Variants in BRD7 observed in about 807,000 individuals in gnomAD.
The protein encoded by BRD7 is bromodomain-containing protein 7.
Under a neutral mutation model 82.1 loss-of-function variants are expected in BRD7, and 15 were observed. That is an observed-to-expected ratio of 0.18 (90% CI 0.12 to 0.28). BRD7 has a LOEUF of 0.28. Among genes scored for constraint, BRD7 ranks in the 10% least tolerant of loss-of-function variants. BRD7 has a pLI of 1.00. For synonymous variants in BRD7, 232 were observed against 266.9 expected (o/e 0.87, Z 1.27); for missense variants, 638 against 779.9 (o/e 0.82, Z 2.17).
At chr16:50,357,548 GAC>G (rs2038782774) in intron 2 of BRD7, among the ~76,000 whole-genome samples, 1 of 152,306 alleles carries the variant, frequency 6.6e-6, no homozygotes, top group South Asian at 2.1e-4. Flanking sequence ...CAGCCACAGA[GAC>G]ACAGATTCCT....
At chr16:50,361,781 A>G (rs143515497) in intron 2 of BRD7, 98 of 152,298 alleles carry the variant, frequency 6.4e-4, no homozygotes, top group African/African-American at 2.2e-3. Context: ...TGTGTTTAAA[A>G]AGAGACTTAC....
At chr16:50,325,496 C>CTGAG (rs1458076518) in intron 11 of BRD7, among the ~76,000 whole-genome samples, 1 of 152,098 alleles carries the variant, frequency 6.6e-6, no homozygotes, top group Non-Finnish European at 1.5e-5. Context: ...TTAGTACTGG[C>CTGAG]TGAGGTACAG....
At chr16:50,353,071 C>CTT (rs148217111) in intron 4 of BRD7, among the ~76,000 whole-genome samples, 24,427 of 144,566 alleles carry the variant, frequency 0.17, 2,232 homozygotes, top group Middle Eastern at 0.21. Context: ...TCAGTAAGTT[C>CTT]TTTTTTTTTT....
At chr16:50,355,382 T>G (rs1405095270) in intron 2 of BRD7, among the ~76,000 whole-genome samples, 1 of 152,234 alleles carries the variant, frequency 6.6e-6, no homozygotes, top group South Asian at 2.1e-4. Context: ...CCAATTGCAT[T>G]AATTTACCTC....
chr16:50,328,105 G>A (rs1448241406), intron 9 of BRD7, among the ~76,000 whole-genome samples: 3 of 152,074 alleles, frequency 2.0e-5, no homozygotes, highest in Non-Finnish European at 2.9e-5. Flanking sequence ...TTGTGACATC[G>A]AATTTCAAAA....
chr16:50,322,254 A>G (rs921850051), intron 12 of BRD7, among the ~76,000 whole-genome samples: 3 of 152,218 alleles, frequency 2.0e-5, no homozygotes, highest in Non-Finnish European at 4.4e-5. Flanking sequence ...TGTTATTTCC[A>G]TGCCTGATCA....
chr16:50,342,557 A>C (rs1172005008), intron 5 of BRD7, among the ~76,000 whole-genome samples: 1 of 133,214 alleles, frequency 7.5e-6, no homozygotes, highest in Non-Finnish European at 1.5e-5. Context: ...AGTAGCTGGG[A>C]CTACAGGCAT....
At chr16:50,368,435 G>A (rs1237626717) in intron 1 of BRD7, 137 bp from the exon 2 acceptor site, 8 of 982,142 alleles carry the variant, frequency 8.1e-6, no homozygotes, top group Non-Finnish European at 1.2e-5. Context: ...CCTGTTGAAT[G>A]ACGGACCCCG....
At chr16:50,345,856 TC>T (rs2151180449) in intron 5 of BRD7, among the ~76,000 whole-genome samples, 1 of 138,522 alleles carries the variant, frequency 7.2e-6, no homozygotes, top group South Asian at 2.4e-4. Context: ...ATTAGACAGA[TC>T]GACGAGACAG....
chr16:50,344,253 T>C (rs576360124), intron 5 of BRD7, among the ~76,000 whole-genome samples: 5 of 152,238 alleles, frequency 3.3e-5, no homozygotes, highest in Admixed American at 1.3e-4. Flanking sequence ...CAAAACTCCA[T>C]CTGTATGTCA....
In BRD7 at chr16:50,319,971, C is replaced by G. The variant is rs375265731; in HGVS notation, c.1816G>C (p.Val606Leu). ...LAQQVTPGDI[V>L]STYGVRKAMG... ...GCTTTTCGAACTCCATACGTGCTTA[C>G]GATATCACCTGGAGTTACTTGCTGT... is the stretch of plus-strand genomic sequence containing the variant. The change falls in exon 16 of 17, where the codon GTA becomes CTA. Residue 606 changes from valine (V) to leucine (L), a missense_variant. Transcript: ENST00000394688. 3 of 1,613,468 alleles carry G rather than the reference C, an allele frequency of 1.9e-6. No individual in the cohort carries two copies. Among genetic ancestry groups the G allele is most frequent in the Non-Finnish European group, 2.5e-6 (3 of 1,179,962 alleles).
chr16:50,367,732 G>A (rs1263503218), intron 2 of BRD7, among the ~76,000 whole-genome samples: 2 of 152,194 alleles, frequency 1.3e-5, no homozygotes, highest in Non-Finnish European at 2.9e-5. Flanking sequence ...TTAAACCCCA[G>A]TAGATCCCAC....
At chr16:50,335,260 C>T (rs1245814833) in intron 6 of BRD7, among the ~76,000 whole-genome samples, 1 of 152,190 alleles carries the variant, frequency 6.6e-6, no homozygotes, top group Non-Finnish European at 1.5e-5. Flanking sequence ...TATCTTTTGA[C>T]AGTTAAGAAC....
chr16:50,338,300 G>A (rs548138797), intron 6 of BRD7, among the ~76,000 whole-genome samples: 5 of 152,288 alleles, frequency 3.3e-5, no homozygotes, highest in Admixed American at 1.3e-4. Context: ...AGTTTCCCAA[G>A]TCTTTAGGAA....
chr16:50,325,994 G>C, intron 10 of BRD7, 111 bp from the exon 11 acceptor site: 1 of 1,134,174 alleles, frequency 8.8e-7, no homozygotes, highest in Non-Finnish European at 1.2e-6. Flanking sequence ...TCATTGGCTG[G>C]TTTGCAAATC....
chr16:50,337,716 C>T (rs757046740), intron 6 of BRD7, among the ~76,000 whole-genome samples: 2 of 152,088 alleles, frequency 1.3e-5, no homozygotes, highest in East Asian at 3.8e-4. Flanking sequence ...GTGTGCTGGG[C>T]TCTCTTGGAG....
chr16:50,322,020 C>A lies in BRD7; in HGVS notation c.1462G>T (p.Gly488Cys). 6.2e-7 allele frequency: 1 copy of A among 1,610,818 alleles called. No individual in the cohort carries two copies. Among genetic ancestry groups the A allele is most frequent in the Non-Finnish European group, 8.5e-7 (1 of 1,179,336 alleles). The change falls in exon 13 of 17, where the codon GGC (glycine) becomes TGC (cysteine). Residue 488 changes from glycine (G) to cysteine (C), a missense_variant. Physicochemically the swap from Gly to Cys is radical, Grantham distance 159. Transcript: ENST00000394688. ...EMEMSLPEDE[G>C]HTRTLDTAKE... Reference sequence around the variant, plus strand: ...GCTGTGTCAAGTGTCCTAGTATGGCCTTCATCTTCAGGCAATGACTATAAG... The same window carrying A: ...GCTGTGTCAAGTGTCCTAGTATGGCATTCATCTTCAGGCAATGACTATAAG...
chr16:50,323,800 A>G, intron 11 of BRD7, 102 bp from the exon 12 acceptor site: 2 of 747,034 alleles, frequency 2.7e-6, no homozygotes, highest in Non-Finnish European at 4.6e-6. Context: ...GTTATACATC[A>G]TGACATCAAA....
chr16:50,363,563 T>TA (rs2039008416), intron 2 of BRD7, among the ~76,000 whole-genome samples: 1 of 152,180 alleles, frequency 6.6e-6, no homozygotes, highest in Non-Finnish European at 1.5e-5. Flanking sequence ...CTAATATAGT[T>TA]AGAGCCTTCC....
Sources: allele counts gnomAD v4.1 joint callset (sites outside exome capture counted in the v4.1 genomes callset), GRCh38; gene constraint gnomAD v4.1.1; transcripts MANE v1.5; gene names NCBI Gene and HGNC (gene_info 2026-07-23, HGNC 2026-07-21).